Variants in CAPS2 observed in about 807,000 individuals in gnomAD.
CAPS2 encodes calcyphosine 2.
In CAPS2, 98 loss-of-function variants were observed where a neutral mutation model predicts 86.5. The observed-to-expected ratio is 1.13, with a 90% CI of 0.96 to 1.34. The LOEUF (loss-of-function observed/expected upper bound fraction) is 1.34, where lower values mean the gene tolerates loss of function less well. Ranked by LOEUF, CAPS2 falls within the 40% of genes most tolerant of loss-of-function variation. The probability of loss-of-function intolerance (pLI) is 0.00; values close to 1 mark genes in which losing one functional copy is unlikely to be tolerated. For synonymous variants in CAPS2, 210 were observed against 225.1 expected (o/e 0.93, Z 0.60); for missense variants, 729 against 686.8 (o/e 1.06, Z -0.69).
At chr12:75,298,844 G>A in intron 10 of CAPS2, 27 bp downstream of exon 10, 1 of 1,590,028 alleles carries the variant, frequency 6.3e-7, no homozygotes, top group Non-Finnish European at 8.6e-7. Flanking sequence ...AACATCTCCA[G>A]AGTTCTAACA....
At chr12:75,376,840 C>T (rs753187781) in intron 1 of CAPS2, among the ~76,000 whole-genome samples, 2 of 152,072 alleles carry the variant, frequency 1.3e-5, no homozygotes, top group Non-Finnish European at 2.9e-5. Context: ...ACAATTTAGC[C>T]CTTTGTCTTC....
At chr12:75,330,111 C>G, upstream of CAPS2, 1 of 373,314 alleles carries the variant, frequency 2.7e-6, no homozygotes, top group Non-Finnish European at 4.8e-6. Flanking sequence ...ACACTCTGAC[C>G]TCCAGGGACG....
chr12:75,322,456 C>T (rs2040395149), intron 4 of CAPS2, among the ~76,000 whole-genome samples: 1 of 152,162 alleles, frequency 6.6e-6, no homozygotes, highest in Non-Finnish European at 1.5e-5. Context: ...ATTATTTATG[C>T]AATTTTCCAA....
At chr12:75,370,537 T>C (rs142684178) in intron 1 of CAPS2, 223 of 159,206 alleles carry the variant, frequency 1.4e-3, no homozygotes, top group African/African-American at 5.0e-3. Flanking sequence ...ATGAATACCA[T>C]CAACATCATT....
At chr12:75,387,274 G>A (rs78886116) in intron 1 of CAPS2, among the ~76,000 whole-genome samples, 2,810 of 152,200 alleles carry the variant, frequency 0.018, 72 homozygotes, top group African/African-American at 0.064. Context: ...CCTCACCAAA[G>A]AAGACATACA....
chr12:75,285,724 T>C (rs77249478), intron 14 of CAPS2, among the ~76,000 whole-genome samples: 164 of 152,120 alleles, frequency 1.1e-3, no homozygotes, highest in Non-Finnish European at 1.6e-3. Flanking sequence ...TGTCTGTGTA[T>C]GTGTGGTTAC....
chr12:75,358,914 A>G (rs1382624522), intron 1 of CAPS2, among the ~76,000 whole-genome samples: 4 of 145,518 alleles, frequency 2.7e-5, no homozygotes, highest in Non-Finnish European at 6.0e-5. Context: ...ATATTATATT[A>G]GTACAGACTG....
chr12:75,338,315 A>T (rs1012813972), intron 1 of CAPS2, among the ~76,000 whole-genome samples: 1 of 152,156 alleles, frequency 6.6e-6, no homozygotes, highest in Non-Finnish European at 1.5e-5. Context: ...ATCAGGAACA[A>T]AACTGGAAAC....
intron 2 of CAPS2, among the ~76,000 whole-genome samples, chr12:75,324,146 C>T (rs1331888928): frequency 1.3e-5 from 2 of 152,156 alleles, no homozygotes; most frequent in Non-Finnish European, 2.9e-5. Context: ...TATTATTTGA[C>T]TCAGCCAAGA....
At chr12:75,374,960 G>C (rs1412508075) in intron 1 of CAPS2, among the ~76,000 whole-genome samples, 1 of 152,184 alleles carries the variant, frequency 6.6e-6, no homozygotes, top group East Asian at 1.9e-4. Flanking sequence ...GGCCAAATGA[G>C]AGAGCTGAAT....
At position 75,356,475 on chromosome 12, in the gene CAPS2, C is replaced by T. The variant is rs558073986; in HGVS notation, c.-394-33253G>A. The stretch of plus-strand genomic sequence containing the variant: ...ATCCATGTGAAGTGCGATAATCTAA[C>T]TTGATCGTGATAAGTAAAAGATGCA... On this transcript the variant is annotated intron_variant, in intron 1 of 5. Coordinates refer to the CAPS2 transcript ENST00000551829. Among the ~76,000 whole-genome samples the T allele has an allele frequency of 2.1e-4, 32 of 152,226 alleles. No individual in the cohort carries two copies. In the South Asian group the frequency reaches 5.2e-3, roughly 25 times the overall value.
chr12:75,310,808 GA>G lies in CAPS2; in HGVS notation c.659+2039del, dbSNP rs544687130. Among the ~76,000 whole-genome samples the G allele has an allele frequency of 1.2e-3, 184 of 152,142 alleles. 2 individuals are homozygous for G. In the South Asian group the frequency reaches 0.017, roughly 14 times the overall value. On this transcript the variant is annotated intron_variant, in intron 7 of 16. Transcript: ENST00000393284. Reference sequence around the variant, plus strand: ...AGTAGCTCAGTGGCATTTGTAGAAGGACCTTTTTCTTGAGACTACCAGGCTA... The same window carrying G: ...AGTAGCTCAGTGGCATTTGTAGAAGGCCTTTTTCTTGAGACTACCAGGCTA...
intron 6 of CAPS2, among the ~76,000 whole-genome samples, chr12:75,313,138 CT>C (rs1324213198): frequency 4.6e-5 from 7 of 152,170 alleles, no homozygotes; most frequent in Admixed American, 2.0e-4. Flanking sequence ...AAATAATACA[CT>C]TAAATTTCAG....
At chr12:75,373,186 C>T (rs781139319) in intron 1 of CAPS2, among the ~76,000 whole-genome samples, 3 of 152,132 alleles carry the variant, frequency 2.0e-5, no homozygotes, top group Non-Finnish European at 4.4e-5. Flanking sequence ...ATGCTGAGCC[C>T]ATGTGTAACC....
intron 5 of CAPS2, among the ~76,000 whole-genome samples, 176 bp from the exon 6 acceptor site, chr12:75,316,610 C>T (rs1418455693): frequency 6.6e-6 from 1 of 152,112 alleles, no homozygotes; most frequent in Non-Finnish European, 1.5e-5. Context: ...CACTTGCCCG[C>T]TAGGTGACCT....
intron 1 of CAPS2, chr12:75,347,521 T>G: frequency 1.6e-6 from 1 of 633,572 alleles, no homozygotes; most frequent in East Asian, 3.2e-5. Flanking sequence ...TTTATGTACA[T>G]TATTTTTTGT....
rs200327101 is a variant in CAPS2, at chr12:75,351,545, G to GT, written c.-394-28324dup. ...GGAACAATATTTAACACTCTGTTTT[G>GT]TTTTGTTTTTTTTTTTTTTGAGATG... On this transcript the variant is annotated intron_variant, in intron 1 of 5. Coordinates refer to the CAPS2 transcript ENST00000551829. 2.4e-4 allele frequency among the ~76,000 whole-genome samples: 36 copies of GT among 148,506 alleles called. No homozygotes were observed. In the South Asian group the frequency reaches 4.9e-3, roughly 20 times the overall value.
At chr12:75,313,378 TA>T (rs1203225613) in intron 6 of CAPS2, among the ~76,000 whole-genome samples, 6 of 152,168 alleles carry the variant, frequency 3.9e-5, no homozygotes, top group Non-Finnish European at 8.8e-5. Flanking sequence ...TGACCTTTCA[TA>T]AAATATCCAA....
At chr12:75,339,409 GTGTC>G (rs2041953665) in intron 1 of CAPS2, among the ~76,000 whole-genome samples, 1 of 152,184 alleles carries the variant, frequency 6.6e-6, no homozygotes, top group East Asian at 1.9e-4. Flanking sequence ...CTTTTGAGAA[GTGTC>G]TGTTCATGTC....
Sources: gnomAD v4.1 joint callset for allele counts (sites outside exome capture counted in the v4.1 genomes callset) on GRCh38, gnomAD v4.1.1 for gene constraint, MANE v1.5 for transcripts, NCBI Gene and HGNC (gene_info 2026-07-23, HGNC 2026-07-21) for gene names.